Variants in TJP2 observed in about 807,000 individuals in gnomAD.
The protein encoded by TJP2 is tight junction protein 2.
In TJP2, 91 loss-of-function variants were observed where a neutral mutation model predicts 133.1. That is an observed-to-expected ratio of 0.68 (90% CI 0.58 to 0.81). TJP2 has a LOEUF of 0.81. Ranked by LOEUF, TJP2 falls within the 40% of genes least tolerant of loss-of-function variation. The pLI is 0.00. For missense variants in TJP2, 1,541 were observed against 1,565.6 expected (o/e 0.98, Z 0.26); for synonymous variants, 592 against 583.4 (o/e 1.01, Z -0.21).
At chr9:69,222,817 C>T (rs905950824) in intron 5 of TJP2, among the ~76,000 whole-genome samples, 1 of 152,056 alleles carries the variant, frequency 6.6e-6, no homozygotes, top group East Asian at 2.0e-4. Flanking sequence ...ACCTGTAATC[C>T]CAGCACTATG....
chr9:69,148,143 C>T (rs1823297323), intron 1 of TJP2, among the ~76,000 whole-genome samples: 3 of 151,832 alleles, frequency 2.0e-5, no homozygotes, highest in Admixed American at 2.0e-4. Flanking sequence ...AGGGTGGTCT[C>T]GAACTCCTTA....
At position 69,140,619 on chromosome 9, in the gene TJP2, G is replaced by A. The variant is rs570735453; in HGVS notation, c.-130-11032G>A. On this transcript the variant is annotated intron_variant, in intron 1 of 5. Coordinates refer to the TJP2 transcript ENST00000423935. ...CCTTTCCTAAAATTCCAGAGCAGAG[G>A]TGACTGATATTCCCCTCACCCAATG... Among the ~76,000 whole-genome samples the A allele has an allele frequency of 1.7e-3, 255 of 152,150 alleles. 1 individual carries two copies. Among genetic ancestry groups the A allele is most frequent in the Non-Finnish European group, 3.0e-3 (203 of 68,038 alleles).
chr9:69,173,849 G>A (rs1445742503), upstream of TJP2, among the ~76,000 whole-genome samples: 1 of 152,164 alleles, frequency 6.6e-6, no homozygotes, highest in Non-Finnish European at 1.5e-5. Context: ...GCAGCGCCCG[G>A]AGCTCACTCC....
At chr9:69,135,941 C>T (rs972685818) in intron 1 of TJP2, among the ~76,000 whole-genome samples, 1 of 152,062 alleles carries the variant, frequency 6.6e-6, no homozygotes, top group Non-Finnish European at 1.5e-5. Context: ...TTGCCTGACT[C>T]TTAATTAAGA....
chr9:69,235,161 A>G (rs1396892780), intron 12 of TJP2, among the ~76,000 whole-genome samples: 1 of 152,182 alleles, frequency 6.6e-6, no homozygotes, highest in Non-Finnish European at 1.5e-5. Flanking sequence ...AGAGCCAGTG[A>G]TTTAGTTCTA....
At chr9:69,165,248 CT>C (rs1369972234) in intron 2 of TJP2, among the ~76,000 whole-genome samples, 3 of 152,204 alleles carry the variant, frequency 2.0e-5, no homozygotes, top group Non-Finnish European at 4.4e-5. Flanking sequence ...CTGTCTCAGC[CT>C]CTGGAGTAGC....
chr9:69,138,483 AG>A (rs912641070), intron 1 of TJP2, among the ~76,000 whole-genome samples: 13 of 151,422 alleles, frequency 8.6e-5, no homozygotes, highest in African/African-American at 3.2e-4. Flanking sequence ...AAAAAAAAAA[AG>A]GGCCAGGGAC....
intron 20 of TJP2, 134 bp from the exon 21 acceptor site, chr9:69,250,901 A>T: frequency 2.1e-6 from 2 of 970,714 alleles, no homozygotes; most frequent in Non-Finnish European, 3.3e-6. Context: ...CTGCTGTATT[A>T]CATTCCTTGT....
In TJP2 at chr9:69,226,137, A is replaced by C. The variant is rs1829330232; in HGVS notation, c.1172A>C (p.Asn391Thr). The C allele has an allele frequency of 1.2e-6, 2 of 1,614,076 alleles. No homozygotes were observed. Among genetic ancestry groups the C allele is most frequent in the Non-Finnish European group, 1.7e-6 (2 of 1,180,042 alleles). ...AGAGACAGCCAGCAGACCCTCATCA[A>C]CATCCCGTCATTAAATGACAGTGAC... ...VLRDSQQTLI[N>T]IPSLNDSDSE... The change falls in exon 7 of 23, where the codon AAC becomes ACC. Residue 391 changes from asparagine to threonine, a missense_variant. Transcript: ENST00000377245.
chr9:69,254,867 A>G lies in TJP2; in HGVS notation c.*493A>G, dbSNP rs1831590297. ...AAGTGTCTTAAATTTTCTTCCTTTG[A>G]AGCTTTAGGCAGAGCCATAATGGAC... is the stretch of plus-strand genomic sequence containing the variant. On this transcript the variant is annotated 3_prime_UTR_variant, in exon 23 of 23. Coordinates refer to ENST00000377245, the MANE Select transcript of TJP2 (RefSeq NM_004817.4). 2 of 434,806 alleles carry G rather than the reference A, an allele frequency of 4.6e-6. No homozygotes were observed. Among genetic ancestry groups the G allele is most frequent in the Admixed American group, 7.8e-5 (2 of 25,786 alleles). 26.9% of individuals were successfully genotyped at this position (434,806 alleles called of 1,614,324 possible). A position where few individuals can be genotyped will look rare whatever the true frequency, so the allele number is the denominator to read the frequency against.
At chr9:69,210,562 A>G (rs1295748872) in intron 1 of TJP2, among the ~76,000 whole-genome samples, 1 of 152,046 alleles carries the variant, frequency 6.6e-6, no homozygotes, top group African/African-American at 2.4e-5. Flanking sequence ...TACATAATTT[A>G]GATAATAATC....
chr9:69,157,901 A>C (rs984090509), intron 2 of TJP2, among the ~76,000 whole-genome samples: 15 of 152,234 alleles, frequency 9.9e-5, no homozygotes, highest in African/African-American at 3.4e-4. Context: ...ATGTCTGGAC[A>C]TCTTAAGCAT....
At chr9:69,192,348 G>A (rs891381997) in intron 1 of TJP2, among the ~76,000 whole-genome samples, 24 of 152,128 alleles carry the variant, frequency 1.6e-4, no homozygotes, top group Admixed American at 1.4e-3. Context: ...CCTGTGAGGT[G>A]AGTGTTATTC....
At chr9:69,244,423 A>G (rs955632771) in intron 17 of TJP2, among the ~76,000 whole-genome samples, 5 of 152,054 alleles carry the variant, frequency 3.3e-5, no homozygotes, top group African/African-American at 9.7e-5. Context: ...AGGGGGAGGT[A>G]GCACTGACCA....
intron 5 of TJP2, 138 bp downstream of exon 5, chr9:69,221,634 A>G: frequency 2.6e-6 from 3 of 1,158,672 alleles, no homozygotes; most frequent in Non-Finnish European, 3.7e-6. Context: ...GCTCACTGCA[A>G]CCTCCACCTC....
chr9:69,177,045 C>T (rs1825146672), intron 1 of TJP2, among the ~76,000 whole-genome samples: 1 of 152,142 alleles, frequency 6.6e-6, no homozygotes, highest in Non-Finnish European at 1.5e-5. Flanking sequence ...ACAATATGAG[C>T]CACCAGGGAA....
At chr9:69,204,890 C>T in intron 1 of TJP2, 2 of 1,246,252 alleles carry the variant, frequency 1.6e-6, no homozygotes, top group Non-Finnish European at 2.0e-6. Context: ...TACTCGGATG[C>T]TCTAGTTCCC....
Position 69,141,910 on chromosome 9 carries a change from C to T in TJP2, c.-130-9741C>T, listed in dbSNP as rs1823035621. 2.0e-5 allele frequency among the ~76,000 whole-genome samples: 3 copies of T among 152,148 alleles called. 1 individual carries two copies. In the South Asian group the frequency reaches 6.2e-4, roughly 32 times the overall value. ...GGCTGCATTTATTATTTAAAACAAG[C>T]CCTGTGTTGTGGTCTTAGTCTAGCT... On this transcript the variant is annotated intron_variant, in intron 1 of 5. Transcript: ENST00000423935.
chr9:69,197,566 C>G (rs889477645), intron 1 of TJP2, among the ~76,000 whole-genome samples: 1 of 152,136 alleles, frequency 6.6e-6, no homozygotes, highest in African/African-American at 2.4e-5. Context: ...AGAAAACAGA[C>G]TTTCTTACTT....
Sources: gnomAD v4.1 joint callset for allele counts (sites outside exome capture counted in the v4.1 genomes callset) on GRCh38, gnomAD v4.1.1 for gene constraint, MANE v1.5 for transcripts, NCBI Gene and HGNC (gene_info 2026-07-23, HGNC 2026-07-21) for gene names.